Variants in TPO observed in about 807,000 individuals in gnomAD.
The protein encoded by TPO is thyroid microsomal antigen.
A neutral mutation model predicts 96.9 loss-of-function variants in TPO; 78 were observed. That is an observed-to-expected ratio of 0.81 (90% confidence interval 0.67 to 0.97). TPO has a LOEUF of 0.97. Among genes scored for constraint, TPO ranks in the 50% least tolerant of loss-of-function variants. The pLI is 0.00. For synonymous variants in TPO, 547 were observed against 538.0 expected (o/e 1.02, Z -0.23); for missense variants, 1,252 against 1,274.8 (o/e 0.98, Z 0.27).
At chr2:1,378,258 G>C (rs1661753294) in intron 1 of TPO, among the ~76,000 whole-genome samples, 1 of 152,216 alleles carries the variant, frequency 6.6e-6, no homozygotes, top group South Asian at 2.1e-4. Flanking sequence ...ATTGGCAAGT[G>C]CCCTTACGTT....
intron 8 of TPO, among the ~76,000 whole-genome samples, chr2:1,484,244 T>C (rs754353380): frequency 1.2e-4 from 18 of 152,204 alleles, no homozygotes; most frequent in Non-Finnish European, 2.4e-4. Flanking sequence ...TGTTGCTTTG[T>C]AGAAAAAGGA....
At chr2:1,438,242 A>T (rs1480470892) in intron 5 of TPO, among the ~76,000 whole-genome samples, 1 of 152,038 alleles carries the variant, frequency 6.6e-6, no homozygotes, top group Non-Finnish European at 1.5e-5. Flanking sequence ...TGGGTTTCAT[A>T]CTTCTGATTT....
In TPO at chr2:1,385,643, A is replaced by G. The variant is rs1427837408; in HGVS notation, n.180+11241A>G. On this transcript the variant is annotated intron_variant and non_coding_transcript_variant, in intron 1 of 5. Coordinates refer to the TPO transcript ENST00000497517. ...TGCTAGCGGTCTATCAATTTTGTTG[A>G]TCTTTTCAAAAAAAAAACCAGCTCC... is the stretch of plus-strand genomic sequence containing the variant. 3.3e-4 allele frequency among the ~76,000 whole-genome samples: 49 copies of G among 147,760 alleles called. 1 individual carries two copies. The highest frequency in any genetic ancestry group is 3.0e-3 in the Admixed American group (45 of 14,878).
At chr2:1,398,298 C>A (rs80113555) in intron 1 of TPO, among the ~76,000 whole-genome samples, 1 of 152,192 alleles carries the variant, frequency 6.6e-6, no homozygotes, top group Non-Finnish European at 1.5e-5. Flanking sequence ...GGGCCCATCT[C>A]CTGACTGCCG....
chr2:1,470,570 CAT>C (rs1669306267), intron 7 of TPO, among the ~76,000 whole-genome samples: 1 of 150,312 alleles, frequency 6.7e-6, no homozygotes, highest in South Asian at 2.1e-4. Flanking sequence ...TTATTTTAAA[CAT>C]ATTAAAAACT....
chr2:1,389,637 A>G (rs1198536898), intron 1 of TPO, among the ~76,000 whole-genome samples: 1 of 152,184 alleles, frequency 6.6e-6, no homozygotes, highest in Non-Finnish European at 1.5e-5. Context: ...CTCCCAAGCC[A>G]TGGCATGCTC....
At chr2:1,469,606 G>A (rs923694150) in intron 7 of TPO, among the ~76,000 whole-genome samples, 2 of 152,130 alleles carry the variant, frequency 1.3e-5, no homozygotes. Context: ...GGTGGAAATG[G>A]CTTCCTAGGG....
At chr2:1,533,844 C>T (rs1259707531) in intron 15 of TPO, among the ~76,000 whole-genome samples, 5 of 87,872 alleles carry the variant, frequency 5.7e-5, no homozygotes, top group Non-Finnish European at 1.2e-4. Context: ...TCCTCAAATG[C>T]CCCTAGCTTT....
At chr2:1,540,913 TA>T in intron 16 of TPO, 190 bp downstream of exon 16, 1 of 1,541,284 alleles carries the variant, frequency 6.5e-7, no homozygotes, top group Non-Finnish European at 8.8e-7. Context: ...TGAGCCTGCT[TA>T]GTGAGAGGAA....
intron 15 of TPO, among the ~76,000 whole-genome samples, chr2:1,540,367 T>C (rs1354154595): frequency 6.6e-6 from 1 of 152,208 alleles, no homozygotes; most frequent in African/African-American, 2.4e-5. Context: ...AGGGTCCTCT[T>C]GGCTGCAAAT....
chr2:1,374,882 A>G (rs1661698292), intron 1 of TPO, among the ~76,000 whole-genome samples: 1 of 151,194 alleles, frequency 6.6e-6, no homozygotes, highest in Non-Finnish European at 1.5e-5. Context: ...ACCCGCCACC[A>G]CGCCCAGCTA....
At chr2:1,460,809 G>T (rs934126159) in intron 7 of TPO, among the ~76,000 whole-genome samples, 18 of 152,106 alleles carry the variant, frequency 1.2e-4, no homozygotes, top group African/African-American at 3.9e-4. Context: ...TGTGGAGGTT[G>T]GGCTCCCCTG....
At chr2:1,422,164 A>G (rs1275228567) in intron 2 of TPO, among the ~76,000 whole-genome samples, 1 of 152,256 alleles carries the variant, frequency 6.6e-6, no homozygotes, top group Non-Finnish European at 1.5e-5. Flanking sequence ...ATCACACTGT[A>G]AGAAACTGGG....
intron 14 of TPO, among the ~76,000 whole-genome samples, chr2:1,504,531 G>A (rs1032712545): frequency 6.6e-5 from 10 of 152,154 alleles, no homozygotes; most frequent in South Asian, 2.1e-4. Flanking sequence ...GGATGTCCCC[G>A]CCCGGCATGG....
chr2:1,409,029 C>T (rs1008165168), upstream of TPO, among the ~76,000 whole-genome samples: 27 of 152,138 alleles, frequency 1.8e-4, no homozygotes, highest in African/African-American at 5.8e-4. Flanking sequence ...TGTAGAAACG[C>T]AAAGCACAGG....
At position 1,392,617 on chromosome 2, in the gene TPO, G is replaced by T. The variant is rs1275007791; in HGVS notation, n.180+18215G>T. On this transcript the variant is annotated intron_variant and non_coding_transcript_variant, in intron 1 of 5. Coordinates refer to the TPO transcript ENST00000497517. ...TTTGTACCTCCGGTAGAATTCGGCT[G>T]TGAATCTCTCTGGTCCTGGACTGGT... 3.9e-5 allele frequency among the ~76,000 whole-genome samples: 6 copies of T among 152,304 alleles called. No homozygotes were observed. In the East Asian group the frequency reaches 9.7e-4, roughly 25 times the overall value.
At chr2:1,444,074 C>T (rs1349373398) in intron 5 of TPO, among the ~76,000 whole-genome samples, 117 of 141,330 alleles carry the variant, frequency 8.3e-4, no homozygotes, top group Non-Finnish European at 1.6e-3. Flanking sequence ...GTCATTGCTG[C>T]GGGAGGCACC....
At chr2:1,440,125 A>G (rs28681289) in intron 5 of TPO, among the ~76,000 whole-genome samples, 48,642 of 151,128 alleles carry the variant, frequency 0.32, 8,682 homozygotes, top group South Asian at 0.48. Context: ...CCAATGTGCT[A>G]CATTTCCACT....
At chr2:1,505,927 A>G (rs1399974639) in intron 14 of TPO, among the ~76,000 whole-genome samples, 3 of 150,852 alleles carry the variant, frequency 2.0e-5, no homozygotes, top group Non-Finnish European at 4.4e-5. Context: ...TTTGTTACAT[A>G]TGTATACATG....
Sources: gnomAD v4.1 joint callset for allele counts (sites outside exome capture counted in the v4.1 genomes callset) on GRCh38, gnomAD v4.1.1 for gene constraint, MANE v1.5 for transcripts, NCBI Gene and HGNC (gene_info 2026-07-23, HGNC 2026-07-21) for gene names.